Variants in ATP2B2 observed in about 807,000 individuals in gnomAD.
ATP2B2 encodes the protein plasma membrane calcium-transporting ATPase 2.
ATP2B2 carries 15 observed loss-of-function variants against 120.0 expected under a neutral mutation model. The ratio of observed to expected loss-of-function variants is 0.12; its 90% CI spans 0.08 to 0.19. The LOEUF (loss-of-function observed/expected upper bound fraction) is 0.19, where lower values mean the gene tolerates loss of function less well. Among genes scored for constraint, ATP2B2 ranks in the 10% least tolerant of loss-of-function variants. The pLI is 1.00. For missense variants in ATP2B2, 1,045 were observed against 1,719.8 expected, an observed-to-expected ratio of 0.61 and a Z score of 6.94; for synonymous variants, 694 against 700.3, an observed-to-expected ratio of 0.99 and a Z score of 0.14.
chr3:10,663,150 G>C (rs981628159), intron 1 of ATP2B2, among the ~76,000 whole-genome samples: 1 of 151,132 alleles, frequency 6.6e-6, no homozygotes, highest in Non-Finnish European at 1.5e-5. Flanking sequence ...TAAATGACGA[G>C]TTAACGGGTG....
intron 14 of ATP2B2, among the ~76,000 whole-genome samples, chr3:10,357,061 G>A (rs1012091610): frequency 6.6e-6 from 1 of 151,840 alleles, no homozygotes; most frequent in African/African-American, 2.4e-5. Context: ...CATTCATTCC[G>A]CAAACACTCA....
At chr3:10,685,637 T>C (rs543105818) in intron 1 of ATP2B2, among the ~76,000 whole-genome samples, 2 of 152,316 alleles carry the variant, frequency 1.3e-5, no homozygotes, top group East Asian at 1.9e-4. Flanking sequence ...CAATGTGCCA[T>C]GTGGCTGCTT....
intron 5 of ATP2B2, among the ~76,000 whole-genome samples, chr3:10,392,947 GGAGAGGCCGGC>G (rs2061904136): frequency 6.6e-6 from 1 of 152,246 alleles, no homozygotes; most frequent in Non-Finnish European, 1.5e-5. Flanking sequence ...AAGAGGGTGT[GGAGAGGCCGGC>G]AGAGGCCCGT....
rs1357836291 is a variant in ATP2B2 at position 10,449,374 on chromosome 3, C to G, written c.170G>C (p.Cys57Ser). 1.9e-6 allele frequency: 3 copies of G among 1,614,256 alleles called. No homozygotes were observed. In the Admixed American group the frequency reaches 5.0e-5, roughly 27 times the overall value. Reference protein sequence around the residue: ...KETYGDTEAICRRLKTSPVEG... With the variant: ...KETYGDTEAISRRLKTSPVEG... ...AACAGGTGAGGTTTTGAGGCGCCGGCAGATGGCTTCGGTGTCCCCATAAGT... is the reference window on the plus strand; with the variant it reads ...AACAGGTGAGGTTTTGAGGCGCCGGGAGATGGCTTCGGTGTCCCCATAAGT... Residue 57 changes from cysteine to serine, a missense_variant, in exon 2 of 23, where the codon TGC (cysteine) becomes TCC (serine). This residue lies in a region of ATP2B2 where 139 missense variants were observed against 134.2 expected (regional missense o/e 1.04). Transcript: ENST00000360273.
chr3:10,358,790 G>A lies in ATP2B2; in HGVS notation c.2037C>T (p.Phe679=), dbSNP rs2060812700. The change falls in exon 14 of 23, where the codon TTC becomes TTT. Residue 679 remains phenylalanine (F), a synonymous_variant. Transcript: ENST00000360273. ...LRTICVAYRD[F]PSSPEPDWDN... is the part of the protein sequence containing the mutation. The stretch of plus-strand genomic sequence containing the variant: ...CCCAGTCCGGCTCCGGGCTGCTGGG[G>A]AAGTCGCGGTAGGCCACGCAGATAG... The A allele has an allele frequency of 6.2e-7, 1 of 1,614,122 alleles. No homozygotes were observed. Among genetic ancestry groups the A allele is most frequent in the South Asian group, 1.1e-5 (1 of 91,094 alleles).
At chr3:10,448,126 G>A (rs1300361749) in intron 2 of ATP2B2, among the ~76,000 whole-genome samples, 2 of 152,208 alleles carry the variant, frequency 1.3e-5, no homozygotes, top group Non-Finnish European at 2.9e-5. Context: ...CAGAGGACTG[G>A]ACAGAGGAGA....
intron 2 of ATP2B2, among the ~76,000 whole-genome samples, chr3:10,618,542 C>T (rs554758367): frequency 1.1e-4 from 16 of 152,284 alleles, no homozygotes; most frequent in African/African-American, 3.6e-4. Flanking sequence ...TGCTTTGGGT[C>T]TTTAGCTCAC....
At chr3:10,655,320 C>T (rs774007801) in intron 1 of ATP2B2, among the ~76,000 whole-genome samples, 23 of 101,086 alleles carry the variant, frequency 2.3e-4, no homozygotes, top group African/African-American at 1.3e-3. Flanking sequence ...AGTTTGTCAA[C>T]GCCCCTGCAC....
chr3:10,536,533 C>G (rs942251302), intron 2 of ATP2B2, among the ~76,000 whole-genome samples: 2 of 151,420 alleles, frequency 1.3e-5, no homozygotes, highest in African/African-American at 4.9e-5. Flanking sequence ...CTTCTTTCTT[C>G]TTCTTCTTTT....
intron 1 of ATP2B2, among the ~76,000 whole-genome samples, chr3:10,644,284 G>T (rs1393202524): frequency 6.6e-6 from 1 of 152,214 alleles, no homozygotes; most frequent in Non-Finnish European, 1.5e-5. Context: ...AGGGTGTGGA[G>T]AAATTGGAAC....
chr3:10,488,510 CCTTCCTTCCTTCCTTCCTTCT>C (rs2065812952), intron 1 of ATP2B2, among the ~76,000 whole-genome samples: 1 of 27,260 alleles, frequency 3.7e-5, no homozygotes, highest in Non-Finnish European at 8.1e-5. Flanking sequence ...TTCCTTCGTT[CCTTCCTTCCTTCCTTCCTTCT>C]TTCCTTCCTT....
At chr3:10,461,790 G>A (rs1393421554) in intron 1 of ATP2B2, among the ~76,000 whole-genome samples, 2 of 152,110 alleles carry the variant, frequency 1.3e-5, no homozygotes, top group East Asian at 3.9e-4. Flanking sequence ...TTGCTTTTGT[G>A]ACTCAGTCTG....
chr3:10,333,789 C>T (rs376986772), intron 22 of ATP2B2, among the ~76,000 whole-genome samples: 6 of 152,108 alleles, frequency 3.9e-5, no homozygotes, highest in African/African-American at 9.7e-5. Context: ...CCAACCCTGC[C>T]GGGTCCCCTG....
rs1368307410 is a variant in ATP2B2 at position 10,371,857 on chromosome 3, C to G, written c.1611G>C (p.Leu537=). The change falls in exon 12 of 23, where the codon CTG becomes CTC. Residue 537 remains leucine (L), a synonymous_variant. Coordinates refer to ENST00000360273, the MANE Select transcript of ATP2B2 (RefSeq NM_001001331.4). ...TGTTGATGGCGATGGCATTGATCAGCAGCTCCATGGTCTTGGTGTTGATGG... is the reference window on the plus strand; with the variant it reads ...TGTTGATGGCGATGGCATTGATCAGGAGCTCCATGGTCTTGGTGTTGATGG... ...PSSINTKTME[L]LINAIAINSA... 1 of 1,614,076 alleles carries G rather than the reference C, an allele frequency of 6.2e-7. No homozygotes were observed. The highest frequency in any genetic ancestry group is 1.3e-5 in the African/African-American group (1 of 74,928).
intron 21 of ATP2B2, among the ~76,000 whole-genome samples, chr3:10,339,191 C>T (rs1165997844): frequency 6.6e-6 from 1 of 152,216 alleles, no homozygotes; most frequent in East Asian, 1.9e-4. Context: ...CAAGAGCCTC[C>T]TGTAGGGGGT....
At chr3:10,649,903 G>A (rs1341663369) in intron 1 of ATP2B2, among the ~76,000 whole-genome samples, 1 of 152,208 alleles carries the variant, frequency 6.6e-6, no homozygotes, top group Non-Finnish European at 1.5e-5. Context: ...CACAATGTTT[G>A]TGAGGTCTCC....
intron 14 of ATP2B2, among the ~76,000 whole-genome samples, chr3:10,353,101 C>G (rs913723082): frequency 1.3e-5 from 2 of 152,304 alleles, no homozygotes; most frequent in Admixed American, 1.3e-4. Flanking sequence ...TTAACACAAC[C>G]TTTCTTTTTT....
At chr3:10,519,176 C>A (rs1298900634) in intron 3 of ATP2B2, among the ~76,000 whole-genome samples, 1 of 152,200 alleles carries the variant, frequency 6.6e-6, no homozygotes. Context: ...GGGATTCAAA[C>A]CAGACTCCAG....
intron 2 of ATP2B2, among the ~76,000 whole-genome samples, chr3:10,538,444 T>C (rs2067365065): frequency 6.6e-6 from 1 of 152,170 alleles, no homozygotes. Flanking sequence ...TTTAGACCAA[T>C]ATCCCTGATG....
Sources: gnomAD v4.1 joint callset for allele counts (sites outside exome capture counted in the v4.1 genomes callset) on GRCh38, gnomAD v4.1.1 for gene constraint, gnomAD v4.1.1 regional missense constraint, MANE v1.5 for transcripts, NCBI Gene and HGNC (gene_info 2026-07-23, HGNC 2026-07-21) for gene names.